Variants in GATAD2A observed in about 807,000 individuals in gnomAD.
GATAD2A encodes transcriptional repressor p66-alpha.
A neutral mutation model predicts 68.5 loss-of-function variants in GATAD2A; 12 were observed. The observed-to-expected ratio is 0.18, with a 90% CI of 0.11 to 0.28. GATAD2A has a LOEUF of 0.28. Among genes scored for constraint, GATAD2A ranks in the 10% least tolerant of loss-of-function variants. The probability of loss-of-function intolerance (pLI) is 1.00; values close to 1 mark genes in which losing one functional copy is unlikely to be tolerated. For missense variants in GATAD2A, 755 were observed against 868.5 expected (o/e 0.87, Z 1.64); for synonymous variants, 410 against 375.3 (o/e 1.09, Z -1.07).
At chr19:19,411,781 A>G (rs564099646) in intron 1 of GATAD2A, among the ~76,000 whole-genome samples, 65 of 152,242 alleles carry the variant, frequency 4.3e-4, no homozygotes, top group African/African-American at 1.5e-3. Flanking sequence ...TTGCCTCTCC[A>G]TTTACCTCAG....
chr19:19,469,083 C>T (rs1460634489), intron 2 of GATAD2A, among the ~76,000 whole-genome samples: 1 of 152,122 alleles, frequency 6.6e-6, no homozygotes, highest in African/African-American at 2.4e-5. Context: ...GATTAAGATG[C>T]TTACTGTAAT....
intron 2 of GATAD2A, among the ~76,000 whole-genome samples, chr19:19,481,862 G>C (rs2059086556): frequency 6.6e-6 from 1 of 152,218 alleles, no homozygotes; most frequent in Non-Finnish European, 1.5e-5. Flanking sequence ...CACTTTGGGA[G>C]GCTGAGGTGG....
chr19:19,434,988 G>T, intron 1 of GATAD2A: 1 of 405,558 alleles, frequency 2.5e-6, no homozygotes, highest in South Asian at 1.8e-5. Context: ...GGTTTCCCTG[G>T]GGTCCATGAC....
At position 19,505,609 on chromosome 19, in the gene GATAD2A, G is replaced by A. The variant is rs1255942455; in HGVS notation, c.*135G>A. Reference sequence around the variant, plus strand: ...CCCAAGAGCAAGCACCGGCCATGCTGCAGAGGCAAGACCTCAATTCTTGGC... The same window carrying A: ...CCCAAGAGCAAGCACCGGCCATGCTACAGAGGCAAGACCTCAATTCTTGGC... On this transcript the variant is annotated 3_prime_UTR_variant, in exon 12 of 12. Transcript: ENST00000683918. 2.7e-6 allele frequency: 2 copies of A among 746,638 alleles called. No homozygotes were observed. The highest frequency in any genetic ancestry group is 4.1e-6 in the Non-Finnish European group (2 of 488,542). The allele number at this position is 746,638 out of a possible 1,614,324, so 46.3% of individuals were successfully genotyped here. A position where few individuals can be genotyped will look rare whatever the true frequency, so the allele number is the denominator to read the frequency against.
intron 2 of GATAD2A, among the ~76,000 whole-genome samples, chr19:19,468,953 A>G (rs930647463): frequency 1.3e-5 from 2 of 152,226 alleles, no homozygotes; most frequent in African/African-American, 4.8e-5. Context: ...GGTTTATAAT[A>G]TCCACAGATA....
intron 7 of GATAD2A, among the ~76,000 whole-genome samples, chr19:19,496,856 G>C (rs1360306759): frequency 1.3e-5 from 2 of 152,168 alleles, no homozygotes; most frequent in African/African-American, 4.8e-5. Flanking sequence ...GGCTTTTGTT[G>C]GTGGGCGTGT....
At chr19:19,495,231 A>G (rs2060062966) in intron 5 of GATAD2A, among the ~76,000 whole-genome samples, 1 of 151,796 alleles carries the variant, frequency 6.6e-6, no homozygotes, top group Admixed American at 6.6e-5. Flanking sequence ...TGGGCTCAAG[A>G]TATCCACCCG....
chr19:19,477,470 C>T (rs2058750222), intron 2 of GATAD2A, among the ~76,000 whole-genome samples: 1 of 152,136 alleles, frequency 6.6e-6, no homozygotes, highest in African/African-American at 2.4e-5. Flanking sequence ...TCCAGGCCTC[C>T]AGGAGACTTG....
chr19:19,434,312 ATAGT>A (rs765741658), intron 1 of GATAD2A, among the ~76,000 whole-genome samples: 6 of 152,282 alleles, frequency 3.9e-5, no homozygotes, highest in South Asian at 2.1e-4. Flanking sequence ...CAGATACAAA[ATAGT>A]TAGGACTAAT....
chr19:19,427,293 G>A (rs559451871), intron 1 of GATAD2A, among the ~76,000 whole-genome samples: 3 of 152,192 alleles, frequency 2.0e-5, no homozygotes, highest in South Asian at 4.1e-4. Flanking sequence ...TTTTGTGTAC[G>A]TTTTACCACA....
rs775567459 is a variant in GATAD2A at position 19,507,373 on chromosome 19, C to T, written c.*1899C>T. 6.6e-6 allele frequency: 1 copy of T among 152,130 alleles called. No homozygotes were observed. Among genetic ancestry groups the T allele is most frequent in the Non-Finnish European group, 1.5e-5 (1 of 68,034 alleles). 9.4% of individuals were successfully genotyped at this position (152,130 alleles called of 1,614,324 possible). ...GCTGTTAGCCCTCTCTGTTCCATGA[C>T]AGGGGCCAGATCTTCCAGCTCCTCC... On this transcript the variant is annotated 3_prime_UTR_variant, in exon 12 of 12. Transcript: ENST00000683918.
intron 1 of GATAD2A, among the ~76,000 whole-genome samples, chr19:19,420,458 A>G (rs922639401): frequency 2.0e-5 from 3 of 148,592 alleles, no homozygotes; most frequent in African/African-American, 5.0e-5. Flanking sequence ...CAGCCTCCCA[A>G]GTAGCTGGGA....
chr19:19,429,698 C>T (rs777936981), intron 1 of GATAD2A, among the ~76,000 whole-genome samples: 3 of 151,872 alleles, frequency 2.0e-5, no homozygotes, highest in South Asian at 2.1e-4. Context: ...CAGGGGCCTA[C>T]AACATGTACT....
chr19:19,394,986 G>A lies in GATAD2A; in HGVS notation c.-7+8848G>A, dbSNP rs556237206. On this transcript the variant is annotated intron_variant, in intron 1 of 11. Coordinates refer to the GATAD2A transcript ENST00000360315. ...CTTCCACCCAAGTTCTGACTCTGGA[G>A]GTGGAGAGGCAGGCCCAGGCCGGAA... Among the ~76,000 whole-genome samples, 22 of 152,302 alleles carry A rather than the reference G, an allele frequency of 1.4e-4. No individual in the cohort carries two copies. In the South Asian group the frequency reaches 3.9e-3, roughly 27 times the overall value.
chr19:19,501,763 C>T (rs909186593), intron 9 of GATAD2A, among the ~76,000 whole-genome samples: 1 of 152,270 alleles, frequency 6.6e-6, no homozygotes, highest in Admixed American at 6.5e-5. Flanking sequence ...CTTCTCCTTC[C>T]CACCCTCTTG....
intron 2 of GATAD2A, among the ~76,000 whole-genome samples, chr19:19,488,272 C>A (rs2059573746): frequency 6.6e-6 from 1 of 152,248 alleles, no homozygotes; most frequent in Non-Finnish European, 1.5e-5. Context: ...GTCTGTCCAT[C>A]CTGGTAGACT....
intron 4 of GATAD2A, 124 bp from the exon 5 acceptor site, chr19:19,494,170 G>C: frequency 1.7e-6 from 1 of 590,666 alleles, no homozygotes; most frequent in Non-Finnish European, 3.0e-6. Flanking sequence ...ACCTCTGAGC[G>C]CCTGATGCCG....
At chr19:19,490,603 A>C (rs2059725491) in intron 2 of GATAD2A, among the ~76,000 whole-genome samples, 2 of 151,900 alleles carry the variant, frequency 1.3e-5, no homozygotes, top group South Asian at 4.2e-4. Context: ...TCCTGCTGAC[A>C]AAAAAAATGG....
At chr19:19,504,895 C>A (rs908868932) in intron 11 of GATAD2A, among the ~76,000 whole-genome samples, 2 of 152,074 alleles carry the variant, frequency 1.3e-5, no homozygotes, top group East Asian at 3.9e-4. Context: ...TTCCCACCCC[C>A]CAGCCTCTCA....
Sources: gnomAD v4.1 joint callset for allele counts (sites outside exome capture counted in the v4.1 genomes callset) on GRCh38, gnomAD v4.1.1 for gene constraint, MANE v1.5 for transcripts, NCBI Gene and HGNC (gene_info 2026-07-23, HGNC 2026-07-21) for gene names.